CUBN: variants seen among roughly 807,000 people sequenced by gnomAD.
CUBN encodes 460 kDa receptor.
A neutral mutation model predicts 405.3 loss-of-function variants in CUBN; 282 were observed. That is an observed-to-expected ratio of 0.70 (90% confidence interval 0.63 to 0.77). CUBN has a LOEUF of 0.77. Among genes scored for constraint, CUBN ranks in the 30% least tolerant of loss-of-function variants. CUBN has a pLI of 0.00. For synonymous variants in CUBN, 1,684 were observed against 1,617.0 expected, an observed-to-expected ratio of 1.04 and a Z score of -0.99; for missense variants, 4,514 against 4,475.2, an observed-to-expected ratio of 1.01 and a Z score of -0.25.
chr10:17,116,070 C>G lies in CUBN; in HGVS notation c.594-473G>C, dbSNP rs141979860. 2.8e-4 allele frequency among the ~76,000 whole-genome samples: 42 copies of G among 152,330 alleles called. No homozygotes were observed. In the Middle Eastern group the frequency reaches 0.017, roughly 62 times the overall value. Reference sequence around the variant, plus strand: ...CACGCAATCCAGTGTCCACACCTCACAGTCTATGATCATTATTATTATCTT... The same window carrying G: ...CACGCAATCCAGTGTCCACACCTCAGAGTCTATGATCATTATTATTATCTT... On this transcript the variant is annotated intron_variant, in intron 6 of 66. Coordinates refer to ENST00000377833, the MANE Select transcript of CUBN (RefSeq NM_001081.4).
Position 16,939,146 on chromosome 10 carries a change from T to C in CUBN, c.5550A>G (p.Ile1850Met). The C allele has an allele frequency of 2.5e-6, 4 of 1,612,956 alleles. No homozygotes were observed. The highest frequency in any genetic ancestry group is 3.4e-6 in the Non-Finnish European group (4 of 1,179,026). The change falls in exon 38 of 67, where the codon ATA becomes ATG. Residue 1850 changes from isoleucine to methionine, a missense_variant and splice_region_variant. This residue lies in a region of CUBN where 1,613 missense variants were observed against 1,542.8 expected (regional missense o/e 1.05). Transcript: ENST00000377833. ...TTCCCACAATATTATCATTGCCAAA[T>C]ACTAGGAGGGAAGACAGAGTAGTAA... Reference protein sequence around the residue: ...GTGFQATFMKIFGNDNIVGTH... With the variant: ...GTGFQATFMKMFGNDNIVGTH...
chr10:16,908,331 G>A lies in CUBN; in HGVS notation c.7534-652C>T, dbSNP rs371668810. On this transcript the variant is annotated intron_variant, in intron 48 of 66. Transcript: ENST00000377833. ...CAGCTAATTTTGTATTTTTAGTAGAGATGGGGTTTCACCATGTTGGTCAGG... is the reference window on the plus strand; with the variant it reads ...CAGCTAATTTTGTATTTTTAGTAGAAATGGGGTTTCACCATGTTGGTCAGG... Among the ~76,000 whole-genome samples, 11 of 152,122 alleles carry A rather than the reference G, an allele frequency of 7.2e-5. No individual in the cohort carries two copies. The East Asian group carries it at 1.9e-3, about 27-fold the overall frequency.
At chr10:17,110,450 G>C (rs1290284004) in intron 9 of CUBN, among the ~76,000 whole-genome samples, 1 of 152,218 alleles carries the variant, frequency 6.6e-6, no homozygotes, top group Non-Finnish European at 1.5e-5. Flanking sequence ...TTATCATAGA[G>C]TTGTACTAAT....
chr10:17,117,912 T>C (rs1246193123), intron 6 of CUBN, among the ~76,000 whole-genome samples: 1 of 152,194 alleles, frequency 6.6e-6, no homozygotes, highest in African/African-American at 2.4e-5. Flanking sequence ...AGTGGTAATC[T>C]CTGTGAATTA....
intron 27 of CUBN, among the ~76,000 whole-genome samples, chr10:17,031,174 T>C (rs1834778304): frequency 6.6e-6 from 1 of 152,178 alleles, no homozygotes; most frequent in African/African-American, 2.4e-5. Context: ...GCATTAACCA[T>C]GCAGGCTGCA....
At chr10:17,020,190 G>A (rs887747960) in intron 27 of CUBN, among the ~76,000 whole-genome samples, 3 of 152,086 alleles carry the variant, frequency 2.0e-5, no homozygotes, top group Middle Eastern at 6.3e-3. Flanking sequence ...TGATTCCTAA[G>A]CCCAATAAAT....
chr10:16,921,736 T>C (rs373562667), intron 43 of CUBN, among the ~76,000 whole-genome samples: 6 of 152,326 alleles, frequency 3.9e-5, no homozygotes, highest in African/African-American at 1.4e-4. Context: ...CCTGTAGGCC[T>C]TTCATCTCAC....
intron 31 of CUBN, among the ~76,000 whole-genome samples, chr10:16,955,242 G>A (rs1393191635): frequency 2.6e-5 from 4 of 151,846 alleles, no homozygotes; most frequent in African/African-American, 9.7e-5. Flanking sequence ...GTGTGGTGGT[G>A]TGCACCTGTA....
intron 17 of CUBN, among the ~76,000 whole-genome samples, chr10:17,073,950 A>T (rs60194467): frequency 0.064 from 9,741 of 152,254 alleles, 460 homozygotes; most frequent in East Asian, 0.19. Flanking sequence ...ATGTTGACTA[A>T]GGATAGCTGT....
At position 16,962,893 on chromosome 10, in the gene CUBN, G is replaced by A. The variant is rs558014281; in HGVS notation, c.4696-8345C>T. ...AAATGTTGTTGTCTTAAGCTGGTAA[G>A]TTCTGGGGTAAGTCTGCGGGTGTGG... On this transcript the variant is annotated intron_variant, in intron 31 of 66. Coordinates refer to ENST00000377833, the MANE Select transcript of CUBN (RefSeq NM_001081.4). Among the ~76,000 whole-genome samples, 32 of 152,244 alleles carry A rather than the reference G, an allele frequency of 2.1e-4. No individual in the cohort carries two copies. The South Asian group carries it at 6.4e-3, about 31-fold the overall frequency.
chr10:16,844,902 G>A (rs1450459482), intron 60 of CUBN, among the ~76,000 whole-genome samples: 1 of 152,166 alleles, frequency 6.6e-6, no homozygotes, highest in Non-Finnish European at 1.5e-5. Context: ...ACCATTATAC[G>A]CAGCTACGGG....
chr10:17,128,086 G>A (rs1837242145), intron 2 of CUBN, among the ~76,000 whole-genome samples, 162 bp from the exon 3 acceptor site: 1 of 151,944 alleles, frequency 6.6e-6, no homozygotes, highest in Non-Finnish European at 1.5e-5. Flanking sequence ...ATAAACACTG[G>A]GCTAAAATAG....
At chr10:16,969,272 C>A (rs534381259) in intron 31 of CUBN, among the ~76,000 whole-genome samples, 45 of 152,172 alleles carry the variant, frequency 3.0e-4, no homozygotes, top group African/African-American at 1.1e-3. Context: ...ATTAACAATT[C>A]ATGCATCAAA....
At chr10:17,084,502 T>A (rs777413615) in intron 16 of CUBN, 41 bp from the exon 17 acceptor site, 3 of 1,563,396 alleles carry the variant, frequency 1.9e-6, no homozygotes, top group East Asian at 4.5e-5. Flanking sequence ...GGCAATGGCA[T>A]TGCTCTGGCT....
chr10:16,838,473 T>C (rs746017571), intron 62 of CUBN, among the ~76,000 whole-genome samples: 1 of 152,176 alleles, frequency 6.6e-6, no homozygotes, highest in Non-Finnish European at 1.5e-5. Flanking sequence ...CCTTTGCATA[T>C]TTTCCCCAGA....
intron 1 of CUBN, 111 bp from the exon 2 acceptor site, chr10:17,129,361 T>G: frequency 7.7e-7 from 1 of 1,291,826 alleles, no homozygotes; most frequent in South Asian, 1.2e-5. Flanking sequence ...CTTCACTTTT[T>G]GATCATCTCA....
chr10:16,899,586 G>A (rs1019750719), intron 53 of CUBN, among the ~76,000 whole-genome samples: 5 of 152,126 alleles, frequency 3.3e-5, no homozygotes, highest in Non-Finnish European at 5.9e-5. Context: ...CATTTGCAAC[G>A]TTACTCTAAC....
intron 31 of CUBN, among the ~76,000 whole-genome samples, chr10:16,972,441 C>T (rs1367409479): frequency 1.0e-5 from 1 of 97,776 alleles, no homozygotes; most frequent in East Asian, 3.2e-4. Context: ...TCATCATTCA[C>T]AATTTTTTTT....
Position 16,906,379 on chromosome 10 carries a change from T to G in CUBN, c.7736A>C (p.Glu2579Ala). Residue 2579 changes from glutamate (E) to alanine (A), a missense_variant, in exon 50 of 67, where the codon GAA becomes GCA. By Grantham distance (107) the Glu-to-Ala change is moderately radical (BLOSUM62 -1). Coordinates refer to ENST00000377833, the MANE Select transcript of CUBN (RefSeq NM_001081.4). ...ATAGCCAGGAGAAGTAAAGTTTCCT[T>G]CAGGAGTATTTGGAAGAGACCCACC... Reference protein sequence around the residue: ...VCGGSLPNTPEGNFTSPGYDG... With the variant: ...VCGGSLPNTPAGNFTSPGYDG... The G allele has an allele frequency of 1.2e-6, 2 of 1,613,920 alleles. No homozygotes were observed. Among genetic ancestry groups the G allele is most frequent in the Non-Finnish European group, 1.7e-6 (2 of 1,179,848 alleles).
Sources: gnomAD v4.1 joint callset for allele counts (sites outside exome capture counted in the v4.1 genomes callset) on GRCh38, gnomAD v4.1.1 for gene constraint, gnomAD v4.1.1 regional missense constraint, MANE v1.5 for transcripts, NCBI Gene and HGNC (gene_info 2026-07-23, HGNC 2026-07-21) for gene names.